Variants in TCF7L2 observed in about 807,000 individuals in gnomAD.
TCF7L2 encodes transcription factor 7-like 2.
TCF7L2 carries 23 observed loss-of-function variants against 77.9 expected under a neutral mutation model. The ratio of observed to expected loss-of-function variants is 0.30; its 90% confidence interval spans 0.21 to 0.42. The LOEUF is 0.42. Among genes scored for constraint, TCF7L2 ranks in the 10% least tolerant of loss-of-function variants. TCF7L2 has a pLI of 1.00. For synonymous variants in TCF7L2, 413 were observed against 340.2 expected (o/e 1.21, Z -2.36); for missense variants, 654 against 793.1 (o/e 0.82, Z 2.11).
rs116569423 is a variant in TCF7L2 at position 112,967,190 on chromosome 10, C to G, written c.450+2566C>G. 8.3e-3 allele frequency among the ~76,000 whole-genome samples: 1,263 copies of G among 152,330 alleles called. 22 individuals carry two copies. The highest frequency in any genetic ancestry group is 0.028 in the African/African-American group (1,164 of 41,580). On this transcript the variant is annotated intron_variant, in intron 4 of 13. Coordinates refer to ENST00000627217, the MANE Select transcript of TCF7L2 (RefSeq NM_001146274.2). ...GCAGATATGTTCCTTTCGCTCCATT[C>G]TCCAACTTAAGACTAAATGCAGCGT...
chr10:113,070,559 G>C (rs1231359823), intron 5 of TCF7L2, among the ~76,000 whole-genome samples: 2 of 152,160 alleles, frequency 1.3e-5, no homozygotes, highest in South Asian at 4.1e-4. Context: ...ACTGTGCTAG[G>C]CTCTTTAGGT....
chr10:113,098,274 T>C (rs143151284), intron 5 of TCF7L2, among the ~76,000 whole-genome samples: 1 of 152,226 alleles, frequency 6.6e-6, no homozygotes, highest in East Asian at 1.9e-4. Context: ...CAGGTCTCCG[T>C]TGGGGCTTTC....
intron 4 of TCF7L2, among the ~76,000 whole-genome samples, chr10:112,991,814 T>C (rs1359162419): frequency 2.6e-5 from 4 of 152,148 alleles, no homozygotes; most frequent in Admixed American, 2.6e-4. Context: ...TGGGGCACTC[T>C]GCTTCCCGGC....
At chr10:113,090,377 G>A (rs1047174134) in intron 5 of TCF7L2, among the ~76,000 whole-genome samples, 7 of 152,154 alleles carry the variant, frequency 4.6e-5, no homozygotes, top group Admixed American at 3.9e-4. Flanking sequence ...TACCTATTGG[G>A]TGCTGTGCTA....
At chr10:113,094,092 CACGCG>C (rs2060680547) in intron 5 of TCF7L2, among the ~76,000 whole-genome samples, 9 of 152,182 alleles carry the variant, frequency 5.9e-5, no homozygotes, top group Non-Finnish European at 1.2e-4. Context: ...TGTGCGCGTG[CACGCG>C]CATGTGTGTT....
intron 4 of TCF7L2, 115 bp downstream of exon 4, chr10:112,964,739 A>ATGATGGTGGTGGTGGTGGTGGTGG (rs1227924366): frequency 1.7e-6 from 1 of 575,334 alleles, no homozygotes; most frequent in African/African-American, 2.5e-5. Context: ...GATGATGATG[A>ATGATGGTGGTGGTGGTGGTGGTGG]TGGTGGTGGT....
At position 113,167,269 on chromosome 10, in the gene TCF7L2, A is replaced by G. The variant is rs185357908; in HGVS notation, c.*1297A>G. ...AAACCCTTAAGGGCCAAAATTCTGT[A>G]TATTAGATTACTCTTAAACGAAAAA... On this transcript the variant is annotated 3_prime_UTR_variant, in exon 14 of 14. Coordinates refer to ENST00000627217, the MANE Select transcript of TCF7L2 (RefSeq NM_001146274.2). The G allele has an allele frequency of 3.7e-4, 84 of 228,520 alleles. 1 individual carries two copies. The East Asian group carries it at 5.2e-3, about 14-fold the overall frequency. The allele number at this position is 228,520 out of a possible 1,614,324, so 14.2% of individuals were successfully genotyped here.
chr10:113,026,468 T>A (rs1017763487), intron 4 of TCF7L2, among the ~76,000 whole-genome samples: 7 of 152,154 alleles, frequency 4.6e-5, no homozygotes, highest in African/African-American at 1.7e-4. Context: ...CTAAGTTTGG[T>A]TTTTAACCAT....
At chr10:113,089,566 A>G (rs755220256) in intron 5 of TCF7L2, 46 of 1,611,590 alleles carry the variant, frequency 2.9e-5, no homozygotes, top group Non-Finnish European at 3.5e-5. Context: ...GAATCACGGT[A>G]TGAGATGAGC....
intron 4 of TCF7L2, among the ~76,000 whole-genome samples, chr10:113,012,317 GA>G (rs1159464936): frequency 1.3e-5 from 2 of 152,218 alleles, no homozygotes; most frequent in South Asian, 4.1e-4. Flanking sequence ...AATCAGGGAA[GA>G]CTGACTGCTC....
intron 11 of TCF7L2, 145 bp downstream of exon 11, chr10:113,152,585 C>A: frequency 1.6e-6 from 1 of 637,612 alleles, no homozygotes; most frequent in Non-Finnish European, 2.7e-6. Flanking sequence ...TAGCATCTTC[C>A]TGGATCGCTA....
Position 113,116,787 on chromosome 10 carries a change from A to G in TCF7L2, c.553-24397A>G, listed in dbSNP as rs192732830. Among the ~76,000 whole-genome samples the G allele has an allele frequency of 5.1e-3, 778 of 152,280 alleles. 3 individuals are homozygous for G. Among genetic ancestry groups the G allele is most frequent in the Non-Finnish European group, 7.5e-3 (508 of 68,014 alleles). On this transcript the variant is annotated intron_variant, in intron 5 of 13. Transcript: ENST00000627217. ...CATACATTTTAATATTTTTTATTAC[A>G]TACAAAAATAAATGTTGAAAGCTAA...
chr10:113,037,740 C>T (rs903169257), intron 4 of TCF7L2, among the ~76,000 whole-genome samples: 2 of 152,152 alleles, frequency 1.3e-5, no homozygotes, highest in African/African-American at 2.4e-5. Context: ...GTAATCAAAT[C>T]GGTTTTGCAG....
intron 5 of TCF7L2, among the ~76,000 whole-genome samples, chr10:113,095,347 A>G (rs1222069895): frequency 6.6e-6 from 1 of 152,276 alleles, no homozygotes; most frequent in South Asian, 2.1e-4. Context: ...ACCCCAGTTC[A>G]TGCTCACTGG....
chr10:113,070,188 G>A (rs1011684776), intron 5 of TCF7L2, among the ~76,000 whole-genome samples: 2 of 150,634 alleles, frequency 1.3e-5, no homozygotes, highest in East Asian at 1.9e-4. Context: ...CCAGTGAGTC[G>A]GAGGTTGCAG....
chr10:112,967,377 T>C (rs905053075), intron 4 of TCF7L2, among the ~76,000 whole-genome samples: 8 of 152,194 alleles, frequency 5.3e-5, no homozygotes, highest in African/African-American at 1.7e-4. Flanking sequence ...ATACGACTCA[T>C]ACTCTTTTCC....
At chr10:113,085,268 C>CTA (rs2059723651) in intron 5 of TCF7L2, among the ~76,000 whole-genome samples, 2 of 150,034 alleles carry the variant, frequency 1.3e-5, no homozygotes, top group Admixed American at 6.7e-5. Context: ...CGAGGTCTTG[C>CTA]TATGTTGCCC....
At chr10:113,012,330 G>A (rs926717734) in intron 4 of TCF7L2, among the ~76,000 whole-genome samples, 19 of 152,188 alleles carry the variant, frequency 1.2e-4, no homozygotes, top group African/African-American at 4.3e-4. Flanking sequence ...TGACTGCTCC[G>A]TTTATGAAAC....
intron 4 of TCF7L2, among the ~76,000 whole-genome samples, chr10:113,014,949 A>C (rs902111290): frequency 1.3e-5 from 2 of 152,198 alleles, no homozygotes; most frequent in Non-Finnish European, 2.9e-5. Flanking sequence ...GCACGCTGGG[A>C]GGCCGAGGCA....
Sources: gnomAD v4.1 joint callset for allele counts (sites outside exome capture counted in the v4.1 genomes callset) on GRCh38, gnomAD v4.1.1 for gene constraint, MANE v1.5 for transcripts, NCBI Gene and HGNC (gene_info 2026-07-23, HGNC 2026-07-21) for gene names.